Variants in AGMO observed in about 807,000 individuals in gnomAD.
The protein encoded by AGMO is alkylglycerol monooxygenase, also known as glyceryl-ether monooxygenase.
AGMO carries 75 observed loss-of-function variants against 60.2 expected under a neutral mutation model. The observed-to-expected ratio is 1.25, with a 90% CI of 1.03 to 1.51. The LOEUF (loss-of-function observed/expected upper bound fraction) is 1.51. Among genes scored for constraint, AGMO ranks in the 40% most tolerant of loss-of-function variants. The pLI is 0.00. For synonymous variants in AGMO, 261 were observed against 177.1 expected, an observed-to-expected ratio of 1.47 and a Z score of -3.76; for missense variants, 763 against 525.5, an observed-to-expected ratio of 1.45 and a Z score of -4.42.
intron 12 of AGMO, among the ~76,000 whole-genome samples, chr7:15,257,679 A>C (rs1783137123): frequency 6.6e-6 from 1 of 152,246 alleles, no homozygotes; most frequent in Non-Finnish European, 1.5e-5. Flanking sequence ...TTATCAACAT[A>C]ATTCAGCTGA....
chr7:15,246,571 A>G (rs1232868296), intron 12 of AGMO, among the ~76,000 whole-genome samples: 1 of 152,150 alleles, frequency 6.6e-6, no homozygotes, highest in Non-Finnish European at 1.5e-5. Context: ...ATACATCCCC[A>G]TACTTCATAT....
At chr7:15,319,214 A>G (rs769316944) in intron 12 of AGMO, among the ~76,000 whole-genome samples, 15 of 152,216 alleles carry the variant, frequency 9.9e-5, no homozygotes, top group Non-Finnish European at 1.6e-4. Context: ...AAAGTGAGAT[A>G]AAATAATTTT....
chr7:15,501,851 T>C (rs1338324438), intron 3 of AGMO, among the ~76,000 whole-genome samples: 1 of 151,820 alleles, frequency 6.6e-6, no homozygotes, highest in Non-Finnish European at 1.5e-5. Context: ...TAAATCAAAA[T>C]GAGCTGCAGA....
the AGMO span, among the ~76,000 whole-genome samples, chr7:15,191,772 T>C: frequency 2.0e-5 from 3 of 152,272 alleles, no homozygotes; most frequent in African/African-American, 7.2e-5. Flanking sequence ...TTAGTATATT[T>C]AGAATGTAAG....
intron 12 of AGMO, among the ~76,000 whole-genome samples, chr7:15,246,432 A>T (rs75083512): frequency 0.016 from 2,474 of 152,194 alleles, 70 homozygotes; most frequent in African/African-American, 0.057. Context: ...TAGATTTTTT[A>T]AAAAATTGCC....
intron 3 of AGMO, among the ~76,000 whole-genome samples, chr7:15,478,653 T>C (rs954776336): frequency 2.6e-5 from 4 of 152,060 alleles, no homozygotes; most frequent in African/African-American, 9.7e-5. Flanking sequence ...CACATCACGT[T>C]GGGAACCTCA....
intron 2 of AGMO, among the ~76,000 whole-genome samples, chr7:15,553,373 A>T (rs1785031266): frequency 6.6e-6 from 1 of 151,860 alleles, no homozygotes; most frequent in South Asian, 2.1e-4. Flanking sequence ...AAAAAGAAAG[A>T]TTAAAACAAA....
At chr7:15,139,820 C>CAAAAAAAAAAA in the AGMO span, among the ~76,000 whole-genome samples, 7 of 66,258 alleles carry the variant, frequency 1.1e-4, no homozygotes, top group African/African-American at 2.7e-4. Context: ...TCTCAAAAGA[C>CAAAAAAAAAAA]AAAAAAAAAA....
chr7:15,452,140 G>A (rs1781872245), intron 3 of AGMO, among the ~76,000 whole-genome samples: 1 of 151,978 alleles, frequency 6.6e-6, no homozygotes, highest in Admixed American at 6.6e-5. Context: ...AACTCTTAAA[G>A]GAAAATATAA....
chr7:15,459,542 C>A (rs1782082338), intron 3 of AGMO, among the ~76,000 whole-genome samples: 1 of 144,842 alleles, frequency 6.9e-6, no homozygotes, highest in African/African-American at 2.5e-5. Context: ...TAATTATTTT[C>A]CAAACTTAAG....
intron 10 of AGMO, among the ~76,000 whole-genome samples, chr7:15,376,239 A>G (rs1783445064): frequency 2.0e-5 from 3 of 152,064 alleles, no homozygotes; most frequent in East Asian, 3.9e-4. Flanking sequence ...TCTTAAGGAA[A>G]TGAAATCCCA....
intron 12 of AGMO, among the ~76,000 whole-genome samples, chr7:15,257,099 G>T (rs1046440733): frequency 6.6e-6 from 1 of 152,080 alleles, no homozygotes; most frequent in Non-Finnish European, 1.5e-5. Context: ...GTTTTTGTAT[G>T]CTGCGGTTTT....
chr7:15,426,025 A>G (rs1781052941), intron 4 of AGMO, among the ~76,000 whole-genome samples: 2 of 152,234 alleles, frequency 1.3e-5, no homozygotes, highest in Admixed American at 6.5e-5. Flanking sequence ...CTTTATAGAT[A>G]AAACAAATAT....
chr7:15,229,740 AATAT>A (rs566803053), intron 12 of AGMO, among the ~76,000 whole-genome samples: 1 of 147,200 alleles, frequency 6.8e-6, no homozygotes, highest in East Asian at 1.9e-4. Flanking sequence ...TATATATTAT[AATAT>A]ATATAAATAA....
rs531996874 is a variant in AGMO at position 15,390,659 on chromosome 7, C to T, written c.822+12G>A. 1 of 1,546,262 alleles carries T rather than the reference C, an allele frequency of 6.5e-7. No homozygotes were observed. The highest frequency in any genetic ancestry group is 1.4e-5 in the African/African-American group (1 of 72,970). On this transcript the variant is annotated intron_variant, in intron 8 of 12. Coordinates refer to ENST00000342526, the MANE Select transcript of AGMO (RefSeq NM_001004320.2). ...ATATAAATGAAGAAAGAATAAAAAA[C>T]AAGTATGTTACCTGCACTTTGATTG... is the stretch of plus-strand genomic sequence containing the variant.
intron 12 of AGMO, among the ~76,000 whole-genome samples, chr7:15,286,558 TAAAGTCAAA>T (rs1210435430): frequency 6.6e-6 from 1 of 151,828 alleles, no homozygotes; most frequent in Non-Finnish European, 1.5e-5. Flanking sequence ...GTCATTATTA[TAAAGTCAAA>T]AAAAGAATAG....
intron 5 of AGMO, among the ~76,000 whole-genome samples, chr7:15,417,435 C>A (rs1027022672): frequency 6.6e-6 from 1 of 152,126 alleles, no homozygotes; most frequent in African/African-American, 2.4e-5. Flanking sequence ...CGACACATGG[C>A]GTGACCTGGA....
chr7:15,407,813 G>A (rs1056318716), intron 5 of AGMO, among the ~76,000 whole-genome samples: 10 of 151,782 alleles, frequency 6.6e-5, no homozygotes, highest in African/African-American at 2.4e-4. Context: ...TAATGAGAGA[G>A]AGAGTTAAGC....
intron 3 of AGMO, among the ~76,000 whole-genome samples, chr7:15,491,389 C>T (rs1317297677): frequency 1.3e-5 from 2 of 152,146 alleles, no homozygotes; most frequent in African/African-American, 4.8e-5. Flanking sequence ...TGGTTTCACA[C>T]TGGTATTTAT....
Sources: gnomAD v4.1 joint callset for allele counts (sites outside exome capture counted in the v4.1 genomes callset) on GRCh38, gnomAD v4.1.1 for gene constraint, MANE v1.5 for transcripts, NCBI Gene and HGNC (gene_info 2026-07-23, HGNC 2026-07-21) for gene names.